The following PGM1 variants were observed in gnomAD, a reference collection of about 807,000 sequenced individuals.
The protein encoded by PGM1 is phosphoglucomutase 1.
PGM1 carries 52 observed loss-of-function variants against 55.6 expected under a neutral mutation model. That is an observed-to-expected ratio of 0.94 (90% CI 0.75 to 1.18). PGM1 has a LOEUF of 1.18. Ranked by LOEUF, PGM1 falls within the 50% of genes most tolerant of loss-of-function variation. The pLI is 0.00. For missense variants in PGM1, 724 were observed against 729.3 expected (o/e 0.99, Z 0.08); for synonymous variants, 287 against 271.7 (o/e 1.06, Z -0.55).
chr1:63,643,178 C>G (rs1649562445), intron 7 of PGM1, among the ~76,000 whole-genome samples: 1 of 152,150 alleles, frequency 6.6e-6, no homozygotes, highest in Non-Finnish European at 1.5e-5. Context: ...CTGGGGATAG[C>G]CTAGACAGAA....
intron 7 of PGM1, among the ~76,000 whole-genome samples, chr1:63,641,965 A>T (rs1349392918): frequency 6.6e-6 from 1 of 152,164 alleles, no homozygotes; most frequent in Non-Finnish European, 1.5e-5. Flanking sequence ...TTCCTGTATG[A>T]TGCTGGAACC....
rs879779566 is a variant in PGM1, at chr1:63,627,066, CACA to C, written c.247-2358_247-2356del. ...GCATATGGCAGGACCCCCCCCCCCC[CACA>C]CACACACACACTTTTAAGGCTGAAT... On this transcript the variant is annotated intron_variant, in intron 1 of 10. Transcript: ENST00000371084. Among the ~76,000 whole-genome samples, 1,429 of 75,758 alleles carry C rather than the reference CACA, an allele frequency of 0.019. 83 individuals are homozygous for C. In the East Asian group the frequency reaches 0.25, roughly 13 times the overall value. 49.7% of individuals were successfully genotyped at this position (75,758 alleles called of 152,430 possible). A position where few individuals can be genotyped will look rare whatever the true frequency, so the allele number is the denominator to read the frequency against.
At chr1:63,595,170 T>C (rs1648023980) in intron 1 of PGM1, among the ~76,000 whole-genome samples, 1 of 152,296 alleles carries the variant, frequency 6.6e-6, no homozygotes, top group East Asian at 1.9e-4. Context: ...TCTTATTTTG[T>C]TGACATTGAG....
chr1:63,604,821 G>T (rs1476729809), intron 1 of PGM1, among the ~76,000 whole-genome samples: 1 of 152,010 alleles, frequency 6.6e-6, no homozygotes, highest in East Asian at 1.9e-4. Context: ...GCCCATGTGT[G>T]GCTCCTTGTG....
Position 63,593,423 on chromosome 1 carries a change from G to T in PGM1, c.-66G>T. The T allele has an allele frequency of 6.2e-7, 1 of 1,607,500 alleles. No homozygotes were observed. Among genetic ancestry groups the T allele is most frequent in the Non-Finnish European group, 8.5e-7 (1 of 1,177,180 alleles). ...GTGCCCTCACCCCAGAGCAGCTGCAGCCTCAGCCGGCCGCCCCTCCGCCAG... is the reference window on the plus strand; with the variant it reads ...GTGCCCTCACCCCAGAGCAGCTGCATCCTCAGCCGGCCGCCCCTCCGCCAG... On this transcript the variant is annotated 5_prime_UTR_variant, in exon 1 of 11. Coordinates refer to ENST00000371084, the MANE Select transcript of PGM1 (RefSeq NM_002633.3).
intron 5 of PGM1, 59 bp from the exon 6 acceptor site, chr1:63,636,175 A>T: frequency 6.8e-7 from 1 of 1,477,096 alleles, no homozygotes; most frequent in East Asian, 2.3e-5. Context: ...CATGAAAGAT[A>T]GTTTGATTTC....
intron 7 of PGM1, among the ~76,000 whole-genome samples, chr1:63,642,687 G>C (rs1649548231): frequency 1.3e-5 from 2 of 152,142 alleles, no homozygotes; most frequent in Non-Finnish European, 2.9e-5. Context: ...AGATATGTAA[G>C]TTATGATCTG....
chr1:63,641,825 C>CCCAGCATAGAACAGGTG (rs1553121725), intron 7 of PGM1, among the ~76,000 whole-genome samples: 1 of 152,156 alleles, frequency 6.6e-6, no homozygotes, highest in Non-Finnish European at 1.5e-5. Context: ...TCCCGTAGAG[C>CCCAGCATAGAACAGGTG]CCAGCATAGA....
At chr1:63,638,612 GC>G in intron 6 of PGM1, 72 bp from the exon 7 acceptor site, 2 of 912,938 alleles carry the variant, frequency 2.2e-6, no homozygotes, top group Non-Finnish European at 3.7e-6. Flanking sequence ...AATAACGATT[GC>G]CCTTTTCCGT....
chr1:63,604,717 C>A (rs2100960073), intron 1 of PGM1, among the ~76,000 whole-genome samples: 1 of 152,252 alleles, frequency 6.6e-6, no homozygotes, highest in Middle Eastern at 3.4e-3. Context: ...GTTCTTCCTG[C>A]CCATTGAAAC....
chr1:63,646,904 T>G (rs982007660), intron 7 of PGM1, among the ~76,000 whole-genome samples: 4 of 152,166 alleles, frequency 2.6e-5, no homozygotes, highest in Non-Finnish European at 5.9e-5. Context: ...TATTCATACA[T>G]AAGAATTTTT....
chr1:63,600,647 A>G (rs1387321765), intron 1 of PGM1, among the ~76,000 whole-genome samples: 3 of 152,178 alleles, frequency 2.0e-5, no homozygotes, highest in African/African-American at 7.2e-5. Flanking sequence ...AGCAATTGGG[A>G]TGTCTGATAA....
At position 63,593,471 on chromosome 1, in the gene PGM1, C is replaced by T. The variant is rs777923635; in HGVS notation, c.-18C>T. ...CAGCCAAGTCCGCCGCTCTGACCCC[C>T]GGCAGCAAGTCGCCACCATGGTGAA... On this transcript the variant is annotated 5_prime_UTR_variant, in exon 1 of 11. Transcript: ENST00000371084. 1.2e-6 allele frequency: 2 copies of T among 1,613,256 alleles called. No individual in the cohort carries two copies. The highest frequency in any genetic ancestry group is 1.7e-6 in the Non-Finnish European group (2 of 1,179,846).
At chr1:63,621,258 C>T (rs573465374) in intron 1 of PGM1, among the ~76,000 whole-genome samples, 3 of 151,798 alleles carry the variant, frequency 2.0e-5, no homozygotes, top group African/African-American at 4.8e-5. Flanking sequence ...AGAACTTCAC[C>T]GAGAGACTGG....
At chr1:63,597,748 C>T (rs59348645) in intron 1 of PGM1, among the ~76,000 whole-genome samples, 1 of 152,250 alleles carries the variant, frequency 6.6e-6, no homozygotes, top group African/African-American at 2.4e-5. Flanking sequence ...CTGCAAATGA[C>T]CAGCATCAGA....
At chr1:63,645,782 A>C (rs1295706573) in intron 7 of PGM1, among the ~76,000 whole-genome samples, 2 of 152,210 alleles carry the variant, frequency 1.3e-5, no homozygotes, top group Admixed American at 1.3e-4. Flanking sequence ...TAAGAACCAA[A>C]AATAGAAAGA....
chr1:63,650,654 A>C (rs1649784450), intron 8 of PGM1, among the ~76,000 whole-genome samples: 1 of 152,226 alleles, frequency 6.6e-6, no homozygotes. Context: ...GAGCTTCTAA[A>C]AAATAACTCT....
At chr1:63,627,423 C>G (rs1407559023) in intron 1 of PGM1, among the ~76,000 whole-genome samples, 1 of 152,030 alleles carries the variant, frequency 6.6e-6, no homozygotes, top group Non-Finnish European at 1.5e-5. Context: ...GGAGCTGTTG[C>G]AGTGGTCCAG....
chr1:63,624,569 A>G (rs528227758), intron 1 of PGM1, among the ~76,000 whole-genome samples: 3 of 152,310 alleles, frequency 2.0e-5, no homozygotes, highest in African/African-American at 4.8e-5. Flanking sequence ...TTGCTCTGCA[A>G]ATTCCTCAGT....
Sources: allele counts gnomAD v4.1 joint callset (sites outside exome capture counted in the v4.1 genomes callset), GRCh38; gene constraint gnomAD v4.1.1; transcripts MANE v1.5; gene names NCBI Gene and HGNC (gene_info 2026-07-23, HGNC 2026-07-21).